SEMA4A: variants seen among roughly 807,000 people sequenced by gnomAD.
The protein encoded by SEMA4A is semaphorin-4A.
In SEMA4A, 52 loss-of-function variants were observed where a neutral mutation model predicts 72.5. The ratio of observed to expected loss-of-function variants is 0.72; its 90% CI spans 0.57 to 0.90. The LOEUF is 0.90. Ranked by LOEUF, SEMA4A falls within the 40% of genes least tolerant of loss-of-function variation. The pLI, the probability that SEMA4A is intolerant of heterozygous loss-of-function variation, is 0.00. For missense variants in SEMA4A, 926 were observed against 959.7 expected, an observed-to-expected ratio of 0.96 and a Z score of 0.46; for synonymous variants, 369 against 393.1, an observed-to-expected ratio of 0.94 and a Z score of 0.73.
At position 156,154,701 on chromosome 1, in the gene SEMA4A, G is replaced by A; in HGVS notation, c.123G>A (p.Arg41=). 1 of 1,586,324 alleles carries A rather than the reference G, an allele frequency of 6.3e-7. No individual in the cohort carries two copies. Among genetic ancestry groups the A allele is most frequent in the Non-Finnish European group, 8.6e-7 (1 of 1,166,612 alleles). Residue 41 remains arginine, a synonymous_variant, in exon 2 of 15, where the codon AGG becomes AGA. Transcript: ENST00000368285. ...AGGGGQGPMP[R]VRYYAGDERR... is the part of the protein sequence containing the mutation. ...GAGGCGGGCAGGGGCCCATGCCCAG[G>A]GTCAGATACTATGCAGGTAAGTGTC...
At chr1:156,151,619 G>A (rs1652538861), upstream of SEMA4A, among the ~76,000 whole-genome samples, 1 of 152,082 alleles carries the variant, frequency 6.6e-6, no homozygotes, top group Admixed American at 6.5e-5. Context: ...GATCACTTGA[G>A]GTCAGGAGTT....
upstream of SEMA4A, among the ~76,000 whole-genome samples, chr1:156,148,452 C>T (rs926791523): frequency 2.0e-5 from 3 of 152,194 alleles, no homozygotes; most frequent in Admixed American, 6.5e-5. Flanking sequence ...CCATGCCCTC[C>T]TTGCTTCACC....
chr1:156,154,472 G>A (rs1387660116), intron 1 of SEMA4A, 78 bp from the exon 2 acceptor site: 6 of 1,335,866 alleles, frequency 4.5e-6, no homozygotes, highest in Non-Finnish European at 6.2e-6. Flanking sequence ...TCTGCTGCCT[G>A]GGGCTCTCCT....
At chr1:156,152,494 C>A (rs1652619328), upstream of SEMA4A, among the ~76,000 whole-genome samples, 1 of 152,140 alleles carries the variant, frequency 6.6e-6, no homozygotes, top group Non-Finnish European at 1.5e-5. Context: ...AAGGTAGGGT[C>A]TGGATAAATG....
chr1:156,161,764 A>G (rs2102962677), intron 9 of SEMA4A: 2 of 511,290 alleles, frequency 3.9e-6, no homozygotes, highest in Non-Finnish European at 6.9e-6. Context: ...GATAGGAAGC[A>G]TTTTACAAAA....
Position 156,156,582 on chromosome 1 carries a change from G to T in SEMA4A, c.300+8G>T. 1 of 1,613,660 alleles carries T rather than the reference G, an allele frequency of 6.2e-7. No homozygotes were observed. Among genetic ancestry groups the T allele is most frequent in the Non-Finnish European group, 8.5e-7 (1 of 1,179,812 alleles). ...CCCAGGCTAAAGAACATGGTGAGGA[G>T]TCCAGGGATAAAGAGTGTGGGCTGG... On this transcript the variant is annotated splice_region_variant and intron_variant, in intron 3 of 14. Transcript: ENST00000368285.
upstream of SEMA4A, among the ~76,000 whole-genome samples, chr1:156,152,109 T>A (rs1017129379): frequency 1.3e-5 from 2 of 152,216 alleles, no homozygotes; most frequent in Non-Finnish European, 2.9e-5. Flanking sequence ...GAATTTAACT[T>A]GGCTTCTAGC....
At chr1:156,148,742 T>C (rs367787759), upstream of SEMA4A, among the ~76,000 whole-genome samples, 68 of 151,852 alleles carry the variant, frequency 4.5e-4, 1 homozygote, top group South Asian at 0.014. Context: ...TCATGGTGCC[T>C]TTTCTAGTCC....
At chr1:156,153,316 CTG>C (rs1479603686), upstream of SEMA4A, 1 of 152,152 alleles carries the variant, frequency 6.6e-6, no homozygotes, top group Non-Finnish European at 1.5e-5. Context: ...TGTCCCCTAT[CTG>C]GGAAATCTTA....
At chr1:156,147,673 G>A (rs2102913780), upstream of SEMA4A, among the ~76,000 whole-genome samples, 1 of 152,134 alleles carries the variant, frequency 6.6e-6, no homozygotes, top group African/African-American at 2.4e-5. Flanking sequence ...ATTTCCCCAA[G>A]ACCTTCATTT....
intron 2 of SEMA4A, 74 bp downstream of exon 2, chr1:156,154,791 C>G (rs1462372460): frequency 1.3e-6 from 2 of 1,514,940 alleles, no homozygotes; most frequent in African/African-American, 2.7e-5. Flanking sequence ...GAGAGAGGAA[C>G]AGAGGAGGGG....
At chr1:156,168,152 G>A (rs1331072034) in intron 10 of SEMA4A, among the ~76,000 whole-genome samples, 1 of 152,022 alleles carries the variant, frequency 6.6e-6, no homozygotes, top group Non-Finnish European at 1.5e-5. Context: ...TTGAACTCCT[G>A]ACCTCAGGTG....
In SEMA4A at chr1:156,161,505, TTCACCTCCCA is replaced by T. The variant is rs1653658004; in HGVS notation, c.971_980del (p.Phe324CysfsTer31). On this transcript the variant is annotated frameshift_variant, in exon 9 of 15. Coordinates refer to ENST00000368285, the MANE Select transcript of SEMA4A (RefSeq NM_022367.4). LOFTEE classifies it high-confidence loss of function. Reference sequence around the variant, plus strand: ...CACAGCTCCCCACATCTACGCAGTCTTCACCTCCCAGTGGTGAGCAGCAGGGCTGGACCAT... The same window carrying T: ...CACAGCTCCCCACATCTACGCAGTCTGTGGTGAGCAGCAGGGCTGGACCAT... The T allele has an allele frequency of 5.0e-6, 8 of 1,613,842 alleles. No homozygotes were observed. The highest frequency in any genetic ancestry group is 6.8e-6 in the Non-Finnish European group (8 of 1,179,958).
In SEMA4A at chr1:156,156,546, A is replaced by G. The variant is rs1399437376; in HGVS notation, c.272A>G (p.Asp91Gly). The G allele has an allele frequency of 1.2e-6, 2 of 1,614,062 alleles. No homozygotes were observed. Among genetic ancestry groups the G allele is most frequent in the Admixed American group, 1.7e-5 (1 of 60,014 alleles). ...GCCATTCTGGCCTTGGATATCCAGG[A>G]TCCAGGGGTCCCCAGGCTAAAGAAC... ...REAILALDIQ[D>G]PGVPRLKNMI... Residue 91 changes from aspartate to glycine, a missense_variant, in exon 3 of 15, where the codon GAT (aspartate) becomes GGT (glycine). Asp to Gly is a moderately conservative substitution (Grantham distance 94, BLOSUM62 -1). Transcript: ENST00000368285.
At position 156,159,430 on chromosome 1, in the gene SEMA4A, C is replaced by A. The variant is rs767533724; in HGVS notation, c.568+606C>A. 2.6e-4 allele frequency among the ~76,000 whole-genome samples: 40 copies of A among 152,132 alleles called. 1 individual carries two copies. Among genetic ancestry groups the A allele is most frequent in the Admixed American group, 2.0e-4 (3 of 15,256 alleles). On this transcript the variant is annotated intron_variant, in intron 6 of 14. Coordinates refer to ENST00000368285, the MANE Select transcript of SEMA4A (RefSeq NM_022367.4). ...CAGAGGGAGAATTAAGCACCCCAAC[C>A]ACCAGCTCCTGCTGAAATTGCCACA...
rs534838864 is a variant in SEMA4A at position 156,176,476 on chromosome 1, T to C, written c.1765T>C (p.Tyr589His). The C allele has an allele frequency of 1.2e-6, 2 of 1,614,072 alleles. No homozygotes were observed. The highest frequency in any genetic ancestry group is 2.2e-5 in the East Asian group (1 of 44,874). Reference sequence around the variant, plus strand: ...CCCCCACCTGTCAGCCTTGGCCTCTTATTATTGGAGTCATGGCCCAGCAGC... The same window carrying C: ...CCCCCACCTGTCAGCCTTGGCCTCTCATTATTGGAGTCATGGCCCAGCAGC... ...PCPHLSALAS[Y>H]YWSHGPAAVP... The change falls in exon 15 of 15, where the codon TAT becomes CAT. Residue 589 changes from tyrosine to histidine, a missense_variant. Coordinates refer to ENST00000368285, the MANE Select transcript of SEMA4A (RefSeq NM_022367.4).
chr1:156,176,331 T>A, intron 14 of SEMA4A, 74 bp from the exon 15 acceptor site: 2 of 1,130,290 alleles, frequency 1.8e-6, no homozygotes, highest in South Asian at 1.3e-5. Flanking sequence ...GGTCCAAAGA[T>A]AGGTTAGAGA....
At position 156,167,475 on chromosome 1, in the gene SEMA4A, CAAAA is replaced by C. The variant is rs58793729; in HGVS notation, c.1134+4398_1134+4401del. 4.9e-3 allele frequency among the ~76,000 whole-genome samples: 505 copies of C among 103,602 alleles called. 1 individual carries two copies. The highest frequency in any genetic ancestry group is 0.021 in the East Asian group (63 of 2,966). The allele number at this position is 103,602 out of a possible 152,430, so 68.0% of individuals were successfully genotyped here. On this transcript the variant is annotated intron_variant, in intron 10 of 14. Coordinates refer to ENST00000368285, the MANE Select transcript of SEMA4A (RefSeq NM_022367.4). ...TGGGCAACAGAGTGAGACCCTGTCTCAAAAAAAAAAAAAAAAAAAAGAAAGAAAA... is the reference window on the plus strand; with the variant it reads ...TGGGCAACAGAGTGAGACCCTGTCTCAAAAAAAAAAAAAAAAGAAAGAAAA...
chr1:156,150,903 G>T (rs2102920707), upstream of SEMA4A, among the ~76,000 whole-genome samples: 1 of 152,220 alleles, frequency 6.6e-6, no homozygotes, highest in South Asian at 2.1e-4. Flanking sequence ...CAGGGCTTGT[G>T]GAGAAATGGG....
Sources: gnomAD v4.1 joint callset for allele counts (sites outside exome capture counted in the v4.1 genomes callset) on GRCh38, gnomAD v4.1.1 for gene constraint, MANE v1.5 for transcripts, NCBI Gene and HGNC (gene_info 2026-07-23, HGNC 2026-07-21) for gene names.